MBD5: variants seen among roughly 807,000 people sequenced by gnomAD.
MBD5 encodes methyl-CpG binding domain protein 5.
A neutral mutation model predicts 117.3 loss-of-function variants in MBD5; 13 were observed. The observed-to-expected ratio is 0.11, with a 90% CI of 0.07 to 0.18. MBD5 has a LOEUF of 0.18. Among genes scored for constraint, MBD5 ranks in the 10% least tolerant of loss-of-function variants. The pLI, the probability that MBD5 is intolerant of heterozygous loss-of-function variation, is 1.00. For missense variants in MBD5, 1,879 were observed against 2,093.8 expected, an observed-to-expected ratio of 0.90 and a Z score of 2.00; for synonymous variants, 727 against 766.4, an observed-to-expected ratio of 0.95 and a Z score of 0.85.
At chr2:148,155,222 T>A (rs1042096885) in intron 1 of MBD5, among the ~76,000 whole-genome samples, 1 of 152,170 alleles carries the variant, frequency 6.6e-6, no homozygotes, top group Non-Finnish European at 1.5e-5. Context: ...ACTGAAAAGT[T>A]ACCATTTAAG....
intron 1 of MBD5, among the ~76,000 whole-genome samples, chr2:148,076,312 A>C (rs938381667): frequency 1.3e-5 from 2 of 152,234 alleles, no homozygotes; most frequent in African/African-American, 4.8e-5. Context: ...GATTGGTAGT[A>C]TATCAGTCAA....
At chr2:148,498,533 T>G (rs572172091) in intron 11 of MBD5, among the ~76,000 whole-genome samples, 2 of 152,290 alleles carry the variant, frequency 1.3e-5, no homozygotes, top group East Asian at 3.9e-4. Context: ...AGACAGAGTT[T>G]TACCATGTTG....
intron 1 of MBD5, among the ~76,000 whole-genome samples, chr2:148,149,786 TG>T: frequency 6.6e-6 from 1 of 152,062 alleles, no homozygotes; most frequent in South Asian, 2.1e-4. Context: ...TTGATGGGGT[TG>T]TTTGTTTTTT....
chr2:148,035,896 T>A (rs1234416), intron 1 of MBD5, among the ~76,000 whole-genome samples: 76,190 of 151,946 alleles, frequency 0.5, 19,634 homozygotes, highest in Middle Eastern at 0.69. Flanking sequence ...AATGCCTGGT[T>A]CATGCTAAGT....
At chr2:148,207,542 G>T (rs1243741823) in intron 2 of MBD5, among the ~76,000 whole-genome samples, 1 of 151,840 alleles carries the variant, frequency 6.6e-6, no homozygotes, top group Non-Finnish European at 1.5e-5. Context: ...GTCCATAACA[G>T]ATCATTCGAG....
intron 2 of MBD5, among the ~76,000 whole-genome samples, chr2:148,187,103 C>G (rs1295481146): frequency 6.6e-6 from 1 of 151,716 alleles, no homozygotes; most frequent in Non-Finnish European, 1.5e-5. Flanking sequence ...TGCCTATAGT[C>G]CTACCTACTC....
At chr2:148,345,476 T>C (rs199635831) in intron 4 of MBD5, among the ~76,000 whole-genome samples, 1 of 42,204 alleles carries the variant, frequency 2.4e-5, no homozygotes, top group Admixed American at 2.2e-4. Context: ...TATATACACA[T>C]ACATATACAT....
intron 3 of MBD5, among the ~76,000 whole-genome samples, chr2:148,257,366 CTAAATGGGGCA>C (rs1700615437): frequency 6.6e-6 from 1 of 152,202 alleles, no homozygotes; most frequent in Non-Finnish European, 1.5e-5. Flanking sequence ...ATCATTTGAG[CTAAATGGGGCA>C]TAAATGCCCA....
chr2:148,340,545 T>C (rs925431562), intron 3 of MBD5, among the ~76,000 whole-genome samples: 2 of 152,134 alleles, frequency 1.3e-5, no homozygotes, highest in African/African-American at 4.8e-5. Flanking sequence ...GTACTCAAGA[T>C]AGACTTGATA....
chr2:148,180,198 T>C (rs898631139), intron 2 of MBD5, among the ~76,000 whole-genome samples: 2 of 151,322 alleles, frequency 1.3e-5, no homozygotes, highest in African/African-American at 2.4e-5. Context: ...TTATTTCTAA[T>C]TCATTTACAT....
At chr2:148,043,970 C>A (rs778893786) in intron 1 of MBD5, among the ~76,000 whole-genome samples, 1 of 152,010 alleles carries the variant, frequency 6.6e-6, no homozygotes, top group Admixed American at 6.6e-5. Context: ...TAATTGAGGT[C>A]GGATCCAGTG....
At chr2:148,418,152 T>C (rs902318158) in intron 4 of MBD5, among the ~76,000 whole-genome samples, 2 of 152,168 alleles carry the variant, frequency 1.3e-5, no homozygotes, top group Admixed American at 1.3e-4. Context: ...ATTTATTATT[T>C]TTCTTGCTGC....
At chr2:148,232,757 T>A (rs916306623) in intron 2 of MBD5, among the ~76,000 whole-genome samples, 1 of 152,250 alleles carries the variant, frequency 6.6e-6, no homozygotes, top group Admixed American at 6.5e-5. Flanking sequence ...ATAATATCTT[T>A]TAGGTATCTG....
rs1295923088 is a variant in MBD5 at position 148,021,301 on chromosome 2, G to A, written c.-1308G>A. On this transcript the variant is annotated 5_prime_UTR_variant, in exon 1 of 14. Transcript: ENST00000642680. ...TGAGAGGGGGATTGAGCCTGAGAGA[G>A]GAGAAGGAGTTTCTTCTTCTTCGAA... The A allele has an allele frequency of 5.2e-6, 2 of 387,638 alleles. No homozygotes were observed. Among genetic ancestry groups the A allele is most frequent in the Non-Finnish European group, 1.0e-5 (2 of 196,778 alleles). The allele number at this position is 387,638 out of a possible 1,614,324, so 24.0% of individuals were successfully genotyped here.
chr2:148,374,956 T>A (rs1044445712), intron 4 of MBD5, among the ~76,000 whole-genome samples: 5 of 152,228 alleles, frequency 3.3e-5, no homozygotes, highest in African/African-American at 9.6e-5. Context: ...TCCAACTTAG[T>A]GATATTATTT....
In MBD5 at chr2:148,470,429, T is replaced by C; in HGVS notation, c.2486T>C (p.Val829Ala). Reference protein sequence around the residue: ...SSTPVIPNSIVSSYNQTSSEA... With the variant: ...SSTPVIPNSIASSYNQTSSEA... ...ACTCCAGTGATACCAAACAGCATTG[T>C]TAGCAGCTATAATCAAACAAGTTCT... Residue 829 changes from valine to alanine, a missense_variant, in exon 8 of 14, where the codon GTT (valine) becomes GCT (alanine). Coordinates refer to ENST00000642680, the MANE Select transcript of MBD5 (RefSeq NM_001378120.1). 1 of 1,609,568 alleles carries C rather than the reference T, an allele frequency of 6.2e-7. No individual in the cohort carries two copies. Among genetic ancestry groups the C allele is most frequent in the Non-Finnish European group, 8.5e-7 (1 of 1,177,174 alleles).
At chr2:148,353,593 T>G (rs1364189080) in intron 4 of MBD5, among the ~76,000 whole-genome samples, 3 of 152,168 alleles carry the variant, frequency 2.0e-5, no homozygotes, top group African/African-American at 7.2e-5. Flanking sequence ...TTGTTGTTGT[T>G]GTTTTGAGAC....
At chr2:148,180,606 C>G (rs1698507792) in intron 2 of MBD5, among the ~76,000 whole-genome samples, 1 of 151,950 alleles carries the variant, frequency 6.6e-6, no homozygotes, top group Non-Finnish European at 1.5e-5. Flanking sequence ...TCATGGGTCA[C>G]TGCAGCATCA....
At chr2:148,148,922 T>C (rs996055343) in intron 1 of MBD5, among the ~76,000 whole-genome samples, 1 of 152,002 alleles carries the variant, frequency 6.6e-6, no homozygotes, top group Non-Finnish European at 1.5e-5. Flanking sequence ...ATTAAATAAA[T>C]ATTTCTTTAT....
Sources: gnomAD v4.1 joint callset for allele counts (sites outside exome capture counted in the v4.1 genomes callset) on GRCh38, gnomAD v4.1.1 for gene constraint, MANE v1.5 for transcripts, NCBI Gene and HGNC (gene_info 2026-07-23, HGNC 2026-07-21) for gene names.